The following SVIL variants were observed in gnomAD, a reference collection of about 807,000 sequenced individuals.
SVIL encodes the protein archvillin.
A neutral mutation model predicts 240.4 loss-of-function variants in SVIL; 101 were observed. That is an observed-to-expected ratio of 0.42 (90% CI 0.36 to 0.50). The LOEUF (loss-of-function observed/expected upper bound fraction) is 0.50, where lower values mean the gene tolerates loss of function less well. Among genes scored for constraint, SVIL ranks in the 20% least tolerant of loss-of-function variants. The probability of loss-of-function intolerance (pLI) is 0.01; values close to 1 mark genes in which losing one functional copy is unlikely to be tolerated. For missense variants in SVIL, 2,512 were observed against 2,818.7 expected, an observed-to-expected ratio of 0.89 and a Z score of 2.46; for synonymous variants, 999 against 1,100.0, an observed-to-expected ratio of 0.91 and a Z score of 1.82.
intron 1 of SVIL, among the ~76,000 whole-genome samples, chr10:29,724,576 T>A (rs1190746602): frequency 4.6e-5 from 7 of 152,110 alleles, no homozygotes; most frequent in African/African-American, 1.4e-4. Context: ...TGAAAAAAAA[T>A]ATATAAATCC....
At chr10:29,657,964 C>CTT (rs1564741382) in intron 3 of SVIL, 1 of 152,192 alleles carries the variant, frequency 6.6e-6, no homozygotes, top group East Asian at 1.9e-4. Flanking sequence ...TTCCTCAATA[C>CTT]TTACCTTAAC....
chr10:29,522,130 A>G (rs2368394), intron 16 of SVIL, among the ~76,000 whole-genome samples: 69,475 of 151,906 alleles, frequency 0.46, 16,561 homozygotes, highest in African/African-American at 0.57. Context: ...GACAGTGGAA[A>G]CAAATAAATA....
intron 1 of SVIL, among the ~76,000 whole-genome samples, chr10:29,626,514 A>G (rs1248146065): frequency 6.6e-6 from 1 of 152,232 alleles, no homozygotes; most frequent in African/African-American, 2.4e-5. Flanking sequence ...AAAGCCAAGC[A>G]CATCCCATCT....
At chr10:29,611,900 A>C (rs1957258162) in intron 1 of SVIL, among the ~76,000 whole-genome samples, 1 of 152,188 alleles carries the variant, frequency 6.6e-6, no homozygotes, top group Admixed American at 6.5e-5. Flanking sequence ...GCCACGCCAG[A>C]ACCAGGGGGA....
chr10:29,597,140 C>G (rs145879867), intron 1 of SVIL, among the ~76,000 whole-genome samples: 1 of 152,060 alleles, frequency 6.6e-6, no homozygotes, highest in Non-Finnish European at 1.5e-5. Context: ...GAATGCAGAC[C>G]CCAGGGAGAA....
intron 30 of SVIL, among the ~76,000 whole-genome samples, chr10:29,473,376 C>A (rs374871862): frequency 6.6e-6 from 1 of 152,170 alleles, no homozygotes; most frequent in Admixed American, 6.5e-5. Flanking sequence ...TTAAGGTTCT[C>A]GTGACAAAAT....
At chr10:29,683,583 C>T (rs1046507981) in intron 2 of SVIL, among the ~76,000 whole-genome samples, 3 of 152,292 alleles carry the variant, frequency 2.0e-5, no homozygotes, top group East Asian at 1.9e-4. Context: ...GGCTGAGGGG[C>T]TTAGAATTTT....
chr10:29,572,697 G>A (rs1432376091), intron 1 of SVIL, among the ~76,000 whole-genome samples: 2 of 148,100 alleles, frequency 1.4e-5, no homozygotes, highest in African/African-American at 2.5e-5. Context: ...CTGGGAGGTC[G>A]AGGCTGCAGT....
rs148227582 is a variant in SVIL at position 29,575,416 on chromosome 10, A to G, written c.-200-6104T>C. 2.5e-3 allele frequency: 530 copies of G among 215,224 alleles called. 4 individuals carry two copies. The highest frequency in any genetic ancestry group is 0.012 in the African/African-American group (504 of 43,504). The allele number at this position is 215,224 out of a possible 1,614,324, so 13.3% of individuals were successfully genotyped here. On this transcript the variant is annotated intron_variant, in intron 1 of 37. Coordinates refer to ENST00000355867, the MANE Select transcript of SVIL (RefSeq NM_021738.3). ...AACAATTGTGAGACAAGAAGTTTGG[A>G]TTTCTTAGTTTCCTTCTGTGGAGAC...
Position 29,463,645 on chromosome 10 carries a change from C to T in SVIL, c.6134-10G>A. The T allele has an allele frequency of 1.2e-6, 2 of 1,613,084 alleles. No homozygotes were observed. Among genetic ancestry groups the T allele is most frequent in the Non-Finnish European group, 1.7e-6 (2 of 1,179,506 alleles). ...TCAACAAGGAAAAGTGCTGTGAGGG[C>T]AGGGACAGGGCCAGACCATCAGGAG... is the stretch of plus-strand genomic sequence containing the variant. On this transcript the variant is annotated splice_polypyrimidine_tract_variant and intron_variant, in intron 34 of 37. Coordinates refer to ENST00000355867, the MANE Select transcript of SVIL (RefSeq NM_021738.3).
At chr10:29,644,118 C>A (rs1026903411) in intron 3 of SVIL, 1 of 445,748 alleles carries the variant, frequency 2.2e-6, no homozygotes, top group African/African-American at 2.0e-5. Flanking sequence ...GCTCACTGCA[C>A]GAACAGAACC....
intron 6 of SVIL, chr10:29,545,016 A>T (rs781152733): frequency 9.4e-6 from 5 of 534,496 alleles, no homozygotes; most frequent in South Asian, 5.6e-5. Flanking sequence ...TCCATGATGC[A>T]CTGTCCTGAA....
At chr10:29,730,289 A>G (rs1964545493) in intron 1 of SVIL, among the ~76,000 whole-genome samples, 1 of 152,258 alleles carries the variant, frequency 6.6e-6, no homozygotes, top group Non-Finnish European at 1.5e-5. Flanking sequence ...TGAAAAACCC[A>G]GTGAGGATCA....
intron 2 of SVIL, among the ~76,000 whole-genome samples, chr10:29,566,396 G>A (rs1954963561): frequency 6.6e-6 from 1 of 152,134 alleles, no homozygotes; most frequent in Non-Finnish European, 1.5e-5. Context: ...TAAATGACTG[G>A]GGGCTTCTGA....
At chr10:29,476,321 A>G (rs185500817) in intron 29 of SVIL, among the ~76,000 whole-genome samples, 3 of 152,380 alleles carry the variant, frequency 2.0e-5, no homozygotes, top group Non-Finnish European at 2.9e-5. Flanking sequence ...CATTGTGTAA[A>G]TACATATTCA....
chr10:29,495,665 C>T (rs1263297204), intron 18 of SVIL, among the ~76,000 whole-genome samples: 1 of 152,136 alleles, frequency 6.6e-6, no homozygotes, highest in East Asian at 1.9e-4. Flanking sequence ...GGAGGGCCAA[C>T]CTTTCAGAAG....
intron 29 of SVIL, among the ~76,000 whole-genome samples, chr10:29,476,271 A>G (rs1946183603): frequency 6.6e-6 from 1 of 152,254 alleles, no homozygotes; most frequent in South Asian, 2.1e-4. Context: ...ATAGATCATA[A>G]CAGTTTATAA....
At chr10:29,534,252 C>T (rs1260942018) in intron 7 of SVIL, among the ~76,000 whole-genome samples, 1 of 152,156 alleles carries the variant, frequency 6.6e-6, no homozygotes, top group Non-Finnish European at 1.5e-5. Context: ...CCTGTGATCA[C>T]AACCTTTTGG....
chr10:29,544,021 T>C (rs1952406075), intron 6 of SVIL, among the ~76,000 whole-genome samples: 2 of 152,170 alleles, frequency 1.3e-5, no homozygotes, highest in African/African-American at 2.4e-5. Flanking sequence ...CAGGTTTTCA[T>C]AAAGGCCAGG....
Sources: gnomAD v4.1 joint callset for allele counts (sites outside exome capture counted in the v4.1 genomes callset) on GRCh38, gnomAD v4.1.1 for gene constraint, MANE v1.5 for transcripts, NCBI Gene and HGNC (gene_info 2026-07-23, HGNC 2026-07-21) for gene names.